RYR2: variants seen among roughly 807,000 people sequenced by gnomAD.
The protein encoded by RYR2 is cardiac muscle ryanodine receptor-calcium release channel.
In RYR2, 227 loss-of-function variants were observed where a neutral mutation model predicts 601.1. That is an observed-to-expected ratio of 0.38 (90% confidence interval 0.34 to 0.42). RYR2 has a LOEUF of 0.42. Ranked by LOEUF, RYR2 falls within the 10% of genes least tolerant of loss-of-function variation. The pLI is 1.00. For synonymous variants in RYR2, 2,223 were observed against 2,175.1 expected (o/e 1.02, Z -0.61); for missense variants, 4,646 against 6,156.5 (o/e 0.75, Z 8.21).
At chr1:237,757,666 A>T (rs1464001908) in intron 81 of RYR2, 31 bp from the exon 82 acceptor site, 1 of 1,427,232 alleles carries the variant, frequency 7.0e-7, no homozygotes, top group Non-Finnish European at 9.9e-7. Flanking sequence ...GCGAAATGAT[A>T]TAAGGAACAC....
At chr1:237,473,431 C>CTCTCTTTCTTTCTTTCTTTCTTTCTT (rs1553464651) in intron 17 of RYR2, among the ~76,000 whole-genome samples, 3 of 115,772 alleles carry the variant, frequency 2.6e-5, no homozygotes, top group African/African-American at 9.5e-5. Context: ...CTCTCTCTCT[C>CTCTCTTTCTTTCTTTCTTTCTTTCTT]TCTTTCTTTC....
intron 1 of RYR2, among the ~76,000 whole-genome samples, chr1:237,264,432 T>G (rs1688837379): frequency 6.6e-6 from 1 of 152,144 alleles, no homozygotes; most frequent in African/African-American, 2.4e-5. Context: ...TATGATGATT[T>G]GGGGAAGGCA....
chr1:237,568,584 G>T (rs1672337145), intron 28 of RYR2, among the ~76,000 whole-genome samples: 1 of 152,124 alleles, frequency 6.6e-6, no homozygotes, highest in Non-Finnish European at 1.5e-5. Context: ...GGTTTGATTT[G>T]AAGCTTTTTT....
At chr1:237,444,697 T>C (rs1244859381) in intron 13 of RYR2, among the ~76,000 whole-genome samples, 2 of 152,208 alleles carry the variant, frequency 1.3e-5, no homozygotes, top group Admixed American at 6.5e-5. Context: ...GAGCTGGGTG[T>C]TGGTCATGCA....
chr1:237,128,402 G>A (rs541270876), intron 1 of RYR2, among the ~76,000 whole-genome samples: 1 of 152,258 alleles, frequency 6.6e-6, no homozygotes, highest in South Asian at 2.1e-4. Flanking sequence ...AGAGGGAGAG[G>A]GAGAGGGAGA....
At chr1:237,142,931 A>G (rs1673553888) in intron 1 of RYR2, among the ~76,000 whole-genome samples, 1 of 152,162 alleles carries the variant, frequency 6.6e-6, no homozygotes, top group South Asian at 2.1e-4. Flanking sequence ...TGGGAAAGAC[A>G]TGCATTAGAT....
chr1:237,778,604 TAC>T (rs1292868072), intron 87 of RYR2, 60 bp from the exon 88 acceptor site: 1 of 838,208 alleles, frequency 1.2e-6, no homozygotes, highest in Non-Finnish European at 2.0e-6. Context: ...CCTGTTATTG[TAC>T]AGTTTGTTTT....
chr1:237,620,438 A>G (rs1678952129), intron 38 of RYR2, among the ~76,000 whole-genome samples: 1 of 152,172 alleles, frequency 6.6e-6, no homozygotes, highest in Non-Finnish European at 1.5e-5. Flanking sequence ...GAACAAACGG[A>G]ACCACAGGTG....
At chr1:237,255,924 C>G (rs1687922367) in intron 1 of RYR2, among the ~76,000 whole-genome samples, 2 of 150,844 alleles carry the variant, frequency 1.3e-5, no homozygotes, top group African/African-American at 4.9e-5. Context: ...TATGGCCTGC[C>G]AAGGGGGACA....
At chr1:237,376,333 A>ACTTATTCT (rs1424805694) in intron 7 of RYR2, among the ~76,000 whole-genome samples, 4 of 152,120 alleles carry the variant, frequency 2.6e-5, no homozygotes, top group Non-Finnish European at 4.4e-5. Context: ...TCACTTATTC[A>ACTTATTCT]CTCATGCAAA....
At chr1:237,416,220 G>A (rs532917455) in intron 10 of RYR2, among the ~76,000 whole-genome samples, 27 of 152,320 alleles carry the variant, frequency 1.8e-4, no homozygotes, top group South Asian at 8.3e-4. Context: ...AAACTGACAG[G>A]AGTAGACATG....
chr1:237,515,455 C>T (rs1027458039), intron 24 of RYR2, among the ~76,000 whole-genome samples: 2 of 152,054 alleles, frequency 1.3e-5, no homozygotes. Context: ...TGTGCTTGTG[C>T]ACGTATGTGG....
intron 91 of RYR2, among the ~76,000 whole-genome samples, chr1:237,787,729 G>A (rs904408243): frequency 1.3e-5 from 2 of 151,334 alleles, no homozygotes; most frequent in African/African-American, 4.9e-5. Context: ...AATCTGCTAT[G>A]CATAAAGATT....
chr1:237,162,039 CTTAAATGAATTAAA>C (rs1484433343), intron 1 of RYR2, among the ~76,000 whole-genome samples: 3 of 152,108 alleles, frequency 2.0e-5, no homozygotes, highest in Non-Finnish European at 4.4e-5. Context: ...GATATTTACA[CTTAAATGAATTAAA>C]ACAAAATAAT....
chr1:237,575,508 T>C (rs1673134028), intron 29 of RYR2, among the ~76,000 whole-genome samples: 1 of 152,054 alleles, frequency 6.6e-6, no homozygotes, highest in Admixed American at 6.6e-5. Context: ...AGAACAAGGG[T>C]AATAGAGGCC....
chr1:237,208,800 A>T (rs681098), intron 1 of RYR2, among the ~76,000 whole-genome samples: 55,787 of 150,692 alleles, frequency 0.37, 12,357 homozygotes, highest in Admixed American at 0.49. Flanking sequence ...CCTACTGTAC[A>T]TTAGGTCTCC....
chr1:237,470,928 CAGAG>C (rs1558873883), intron 17 of RYR2, among the ~76,000 whole-genome samples: 1 of 151,638 alleles, frequency 6.6e-6, no homozygotes, highest in Non-Finnish European at 1.5e-5. Context: ...GAGAGAGAGA[CAGAG>C]AGAGATCACG....
At chr1:237,580,838 G>A (rs905414337) in intron 29 of RYR2, among the ~76,000 whole-genome samples, 8 of 151,774 alleles carry the variant, frequency 5.3e-5, no homozygotes, top group Admixed American at 3.3e-4. Context: ...AAGACCATGT[G>A]AGGATACAGC....
At chr1:237,354,734 G>A (rs1002902345) in intron 3 of RYR2, among the ~76,000 whole-genome samples, 3 of 152,100 alleles carry the variant, frequency 2.0e-5, no homozygotes, top group Non-Finnish European at 2.9e-5. Flanking sequence ...CTTGAAAAAT[G>A]TATAGTGAAA....
Sources: gnomAD v4.1 joint callset for allele counts (sites outside exome capture counted in the v4.1 genomes callset) on GRCh38, gnomAD v4.1.1 for gene constraint, MANE v1.5 for transcripts, NCBI Gene and HGNC (gene_info 2026-07-23, HGNC 2026-07-21) for gene names.